Variants in EBAG9 observed in about 807,000 individuals in gnomAD.
EBAG9 encodes estrogen receptor binding site associated antigen 9.
A neutral mutation model predicts 30.9 loss-of-function variants in EBAG9; 16 were observed. The ratio of observed to expected loss-of-function variants is 0.52; its 90% CI spans 0.35 to 0.79. EBAG9 has a LOEUF of 0.79. Among genes scored for constraint, EBAG9 ranks in the 30% least tolerant of loss-of-function variants. The pLI is 0.01. For missense variants in EBAG9, 197 were observed against 242.1 expected, an observed-to-expected ratio of 0.81 and a Z score of 1.24; for synonymous variants, 93 against 82.8, an observed-to-expected ratio of 1.12 and a Z score of -0.67.
intron 1 of EBAG9, among the ~76,000 whole-genome samples, chr8:109,541,553 G>A (rs1011000543): frequency 2.6e-5 from 4 of 152,188 alleles, no homozygotes; most frequent in African/African-American, 9.7e-5. Context: ...AGGAATGTTA[G>A]TTTCCTTCCA....
At position 109,553,767 on chromosome 8, in the gene EBAG9, G is replaced by T; in HGVS notation, c.84-98G>T. 5.7e-6 allele frequency: 5 copies of T among 873,760 alleles called. No individual in the cohort carries two copies. In the South Asian group the frequency reaches 8.9e-5, roughly 16 times the overall value. 54.1% of individuals were successfully genotyped at this position (873,760 alleles called of 1,614,324 possible). A position where few individuals can be genotyped will look rare whatever the true frequency, so the allele number is the denominator to read the frequency against. On this transcript the variant is annotated intron_variant, in intron 2 of 6. Transcript: ENST00000337573. Reference sequence around the variant, plus strand: ...AATCAATAATCATAAAATTGAGAAAGATCTTGTTTTATAAGCCTTCAATTA... The same window carrying T: ...AATCAATAATCATAAAATTGAGAAATATCTTGTTTTATAAGCCTTCAATTA...
At position 109,540,275 on chromosome 8, in the gene EBAG9, A is replaced by T. The variant is rs1821243979; in HGVS notation, c.-202A>T. 1 of 152,370 alleles carries T rather than the reference A, an allele frequency of 6.6e-6. No homozygotes were observed. Among genetic ancestry groups the T allele is most frequent in the African/African-American group, 2.4e-5 (1 of 41,432 alleles). 9.4% of individuals were successfully genotyped at this position (152,370 alleles called of 1,614,324 possible). On this transcript the variant is annotated 5_prime_UTR_variant, in exon 1 of 7. Coordinates refer to ENST00000337573, the MANE Select transcript of EBAG9 (RefSeq NM_004215.5). Reference sequence around the variant, plus strand: ...CTCCAAAGCCGCCTTCCTCAGGGAAATTTGCGTGACCTTACTGCCCTCCGT... The same window carrying T: ...CTCCAAAGCCGCCTTCCTCAGGGAATTTTGCGTGACCTTACTGCCCTCCGT...
intron 2 of EBAG9, among the ~76,000 whole-genome samples, chr8:109,551,580 C>A (rs1353074536): frequency 1.3e-5 from 2 of 152,142 alleles, no homozygotes; most frequent in Non-Finnish European, 2.9e-5. Flanking sequence ...CTGTTGAATA[C>A]CTCAACTCAA....
At chr8:109,542,734 CT>C (rs1332424825) in intron 1 of EBAG9, among the ~76,000 whole-genome samples, 4 of 151,906 alleles carry the variant, frequency 2.6e-5, no homozygotes, top group Non-Finnish European at 5.9e-5. Flanking sequence ...AGCAATCAAA[CT>C]TTTTTTTCAA....
rs1180121913 is a variant in EBAG9 at position 109,565,922 on chromosome 8, T to A, written c.*1363T>A. The stretch of plus-strand genomic sequence containing the variant: ...AAAGTTAACTTTGGTACAGAGCTTT[T>A]TATAGCCCCAAATTATATTTCCAGT... On this transcript the variant is annotated 3_prime_UTR_variant, in exon 7 of 7. Coordinates refer to ENST00000337573, the MANE Select transcript of EBAG9 (RefSeq NM_004215.5). 1 of 152,136 alleles carries A rather than the reference T, an allele frequency of 6.6e-6. No homozygotes were observed. The highest frequency in any genetic ancestry group is 1.5e-5 in the Non-Finnish European group (1 of 67,972). The allele number at this position is 152,136 out of a possible 1,614,324, so 9.4% of individuals were successfully genotyped here. A position where few individuals can be genotyped will look rare whatever the true frequency, so the allele number is the denominator to read the frequency against.
intron 5 of EBAG9, among the ~76,000 whole-genome samples, chr8:109,558,520 A>T (rs1336577111): frequency 6.6e-6 from 1 of 152,190 alleles, no homozygotes; most frequent in Non-Finnish European, 1.5e-5. Context: ...CCACCCACTG[A>T]ATTAGCAATA....
At chr8:109,551,155 T>C (rs1370993374) in intron 2 of EBAG9, among the ~76,000 whole-genome samples, 1 of 152,152 alleles carries the variant, frequency 6.6e-6, no homozygotes, top group Non-Finnish European at 1.5e-5. Flanking sequence ...CTTAATACTA[T>C]TTAGGAATAG....
At chr8:109,556,743 A>G (rs571143762) in intron 4 of EBAG9, among the ~76,000 whole-genome samples, 192 bp from the exon 5 acceptor site, 1 of 152,118 alleles carries the variant, frequency 6.6e-6, no homozygotes, top group Non-Finnish European at 1.5e-5. Context: ...GTGAAATACA[A>G]TTTTTCTTAG....
Position 109,564,497 on chromosome 8 carries a change from G to A in EBAG9, c.580G>A (p.Glu194Lys). 1 of 1,612,800 alleles carries A rather than the reference G, an allele frequency of 6.2e-7. No individual in the cohort carries two copies. Among genetic ancestry groups the A allele is most frequent in the Non-Finnish European group, 8.5e-7 (1 of 1,179,102 alleles). The change falls in exon 7 of 7, where the codon GAA becomes AAA. Residue 194 changes from glutamate to lysine, a missense_variant. Transcript: ENST00000337573. ...AGCCGAACAACAAAGGAAGAAAATGGAAAAGGAAGCACAACGGCTAATGAA... is the reference window on the plus strand; with the variant it reads ...AGCCGAACAACAAAGGAAGAAAATGAAAAAGGAAGCACAACGGCTAATGAA... ...RAAEQQRKKMEKEAQRLMKKE... is the reference protein window; with the variant it reads ...RAAEQQRKKMKKEAQRLMKKE...
chr8:109,542,771 A>T (rs1821302746), intron 1 of EBAG9, among the ~76,000 whole-genome samples: 2 of 152,150 alleles, frequency 1.3e-5, no homozygotes, highest in South Asian at 4.1e-4. Flanking sequence ...TGGTAACTGA[A>T]GGTACCAAAT....
At chr8:109,558,817 C>A (rs534569996) in intron 5 of EBAG9, among the ~76,000 whole-genome samples, 8 of 152,092 alleles carry the variant, frequency 5.3e-5, no homozygotes, top group Non-Finnish European at 8.8e-5. Context: ...ATTCATCATT[C>A]GTATTGTTGT....
At position 109,564,435 on chromosome 8, in the gene EBAG9, T is replaced by G. The variant is rs778848588; in HGVS notation, c.522-4T>G. On this transcript the variant is annotated splice_polypyrimidine_tract_variant and splice_region_variant and intron_variant, in intron 6 of 6. Coordinates refer to ENST00000337573, the MANE Select transcript of EBAG9 (RefSeq NM_004215.5). ...TCTAAAAGTAAAAGTATGTTTCTTT[T>G]CAGACAGCAGAAACTAGCAGACAGA... 8 of 1,610,500 alleles carry G rather than the reference T, an allele frequency of 5.0e-6. No homozygotes were observed. In the African/African-American group the frequency reaches 6.7e-5, roughly 13 times the overall value.
intron 4 of EBAG9, 98 bp downstream of exon 4, chr8:109,554,985 CTTTTTT>C (rs371168760): frequency 1.2e-6 from 1 of 820,996 alleles, no homozygotes; most frequent in Non-Finnish European, 1.7e-6. Flanking sequence ...AAGCCTATTT[CTTTTTT>C]TTTTTTTAAT....
chr8:109,548,796 C>G lies in EBAG9; in HGVS notation c.-15-2014C>G, dbSNP rs567993302. On this transcript the variant is annotated intron_variant, in intron 1 of 6. Transcript: ENST00000337573. ...TATAGAAATACAATTAATGGTAGATCCCGTTGAATTTTCCACATAGAATAT... is the reference window on the plus strand; with the variant it reads ...TATAGAAATACAATTAATGGTAGATGCCGTTGAATTTTCCACATAGAATAT... Among the ~76,000 whole-genome samples, 37 of 151,742 alleles carry G rather than the reference C, an allele frequency of 2.4e-4. 1 individual carries two copies. The South Asian group carries it at 7.7e-3, about 32-fold the overall frequency.
intron 1 of EBAG9, among the ~76,000 whole-genome samples, chr8:109,548,023 T>C (rs992774129): frequency 5.3e-5 from 8 of 152,174 alleles, no homozygotes; most frequent in South Asian, 2.1e-4. Flanking sequence ...TTTTATTTTA[T>C]GGATTGTGCT....
At chr8:109,550,747 A>G in intron 1 of EBAG9, 63 bp from the exon 2 acceptor site, 1 of 943,708 alleles carries the variant, frequency 1.1e-6, no homozygotes, top group South Asian at 1.4e-5. Flanking sequence ...AGGTCTTTTC[A>G]GGACAGGAGT....
chr8:109,554,985 CT>C (rs371168760), intron 4 of EBAG9, 98 bp downstream of exon 4: 160,104 of 868,980 alleles, frequency 0.18, no homozygotes, highest in South Asian at 0.25. Context: ...AAGCCTATTT[CT>C]TTTTTTTTTT....
At chr8:109,545,147 C>A (rs1821356830) in intron 1 of EBAG9, among the ~76,000 whole-genome samples, 1 of 151,512 alleles carries the variant, frequency 6.6e-6, no homozygotes, top group East Asian at 2.0e-4. Context: ...CATGCTGAAA[C>A]CCTGTCTGTA....
At chr8:109,545,331 A>G (rs1486070612) in intron 1 of EBAG9, among the ~76,000 whole-genome samples, 1 of 151,176 alleles carries the variant, frequency 6.6e-6, no homozygotes, top group Admixed American at 6.6e-5. Flanking sequence ...CAAAAAAAAA[A>G]AAAAAAAAAA....
Sources: allele counts gnomAD v4.1 joint callset (sites outside exome capture counted in the v4.1 genomes callset), GRCh38; gene constraint gnomAD v4.1.1; transcripts MANE v1.5; gene names NCBI Gene and HGNC (gene_info 2026-07-23, HGNC 2026-07-21).